TP73: variants seen among roughly 807,000 people sequenced by gnomAD.
The protein encoded by TP73 is tumor protein p73, also known as p53-like transcription factor.
A neutral mutation model predicts 62.5 loss-of-function variants in TP73; 25 were observed. The observed-to-expected ratio is 0.40, with a 90% CI of 0.29 to 0.56. TP73 has a LOEUF of 0.56. Ranked by LOEUF, TP73 falls within the 20% of genes least tolerant of loss-of-function variation. The probability of loss-of-function intolerance (pLI) is 0.46; values close to 1 mark genes in which losing one functional copy is unlikely to be tolerated. For missense variants in TP73, 754 were observed against 913.3 expected (o/e 0.83, Z 2.25); for synonymous variants, 423 against 377.5 (o/e 1.12, Z -1.40).
chr1:3,682,153 C>A (rs1008333109), intron 1 of TP73, among the ~76,000 whole-genome samples, 180 bp from the exon 2 acceptor site: 1 of 152,238 alleles, frequency 6.6e-6, no homozygotes, highest in Non-Finnish European at 1.5e-5. Flanking sequence ...CGGTTTCCAG[C>A]CGCGGGGAAC....
At chr1:3,688,405 T>TC (rs1351772886) in intron 3 of TP73, among the ~76,000 whole-genome samples, 1 of 152,000 alleles carries the variant, frequency 6.6e-6, no homozygotes, top group Non-Finnish European at 1.5e-5. Flanking sequence ...GGAAACGAAG[T>TC]CCCCCTGTCT....
At position 3,701,570 on chromosome 1, in the gene TP73, T is replaced by C. The variant is rs1218277166; in HGVS notation, c.187-5979T>C. 6.6e-6 allele frequency among the ~76,000 whole-genome samples: 1 copy of C among 152,156 alleles called. No homozygotes were observed. Among genetic ancestry groups the C allele is most frequent in the Non-Finnish European group, 1.5e-5 (1 of 68,022 alleles). On this transcript the variant is annotated intron_variant, in intron 3 of 13. Transcript: ENST00000378295. The surrounding 1 kb of genome is among the most constrained non-coding windows in gnomAD (Gnocchi z 4.7). ...CCCAGGCTGGAGTGCTGTGGCGTGA[T>C]CTCAGCTCACTGCAACCTCTGCCTC...
Position 3,699,748 on chromosome 1 carries a change from G to T in TP73, c.187-7801G>T, listed in dbSNP as rs1638995959. ...AGCAGGGATGCTCGGGCGGGGGCAG[G>T]AGCTGGAGAGGTGACAGGAGCGAGG... On this transcript the variant is annotated intron_variant, in intron 3 of 13. Transcript: ENST00000378295. The surrounding 1 kb of genome is among the most constrained non-coding windows in gnomAD (Gnocchi z 4.1). 6.6e-6 allele frequency among the ~76,000 whole-genome samples: 1 copy of T among 152,216 alleles called. No homozygotes were observed. Among genetic ancestry groups the T allele is most frequent in the Non-Finnish European group, 1.5e-5 (1 of 68,024 alleles).
At chr1:3,689,978 C>T (rs546756817) in intron 3 of TP73, among the ~76,000 whole-genome samples, 23 of 152,198 alleles carry the variant, frequency 1.5e-4, no homozygotes, top group Non-Finnish European at 2.2e-4. Flanking sequence ...CTCAAAGGCC[C>T]CACTAGACGG....
chr1:3,687,445 TG>T (rs1243309397), intron 3 of TP73, among the ~76,000 whole-genome samples: 1 of 152,166 alleles, frequency 6.6e-6, no homozygotes, highest in Non-Finnish European at 1.5e-5. Context: ...GGTGTGATGG[TG>T]GGGCGGGGGT....
chr1:3,684,350 T>G (rs941646175), intron 3 of TP73, among the ~76,000 whole-genome samples: 2 of 152,146 alleles, frequency 1.3e-5, no homozygotes, highest in Non-Finnish European at 2.9e-5. Context: ...TCACTTATGC[T>G]CAGCCCGAAA....
rs1301015015 is a variant in TP73, at chr1:3,681,897, C to T, written c.-33-436C>T. 2.7e-5 allele frequency among the ~76,000 whole-genome samples: 3 copies of T among 109,458 alleles called. No individual in the cohort carries two copies. In the East Asian group the frequency reaches 7.1e-4, roughly 26 times the overall value. The allele number at this position is 109,458 out of a possible 152,430, so 71.8% of individuals were successfully genotyped here. On this transcript the variant is annotated intron_variant, in intron 1 of 13. Transcript: ENST00000378295. ...CACACACTTGTTCCGGCCCAAGCAT[C>T]CCCCAGGCCAAACCTAGACACAGTG...
chr1:3,717,035 C>T (rs774310321), intron 4 of TP73, among the ~76,000 whole-genome samples: 5 of 152,202 alleles, frequency 3.3e-5, no homozygotes, highest in Non-Finnish European at 5.9e-5. Context: ...CACTGCAGGC[C>T]CCATCTTCCA....
chr1:3,723,836 C>T (rs1206427673), intron 6 of TP73, among the ~76,000 whole-genome samples: 1 of 152,236 alleles, frequency 6.6e-6, no homozygotes, highest in Admixed American at 6.5e-5. Flanking sequence ...GGTCCCCGCC[C>T]ATTTAGACCC....
At chr1:3,730,864 G>C in intron 11 of TP73, 63 bp from the exon 12 acceptor site, 1 of 1,518,666 alleles carries the variant, frequency 6.6e-7, no homozygotes, top group Non-Finnish European at 8.9e-7. Context: ...TGGAGCCTGG[G>C]TGGAGGCTGC....
chr1:3,723,214 C>A (rs1641241313), intron 5 of TP73, 140 bp from the exon 6 acceptor site: 2 of 668,860 alleles, frequency 3.0e-6, no homozygotes, highest in Admixed American at 4.6e-5. Flanking sequence ...TTGAACCTGG[C>A]ACGGGGCTGG....
chr1:3,690,941 C>T, intron 3 of TP73: 1 of 1,579,426 alleles, frequency 6.3e-7, no homozygotes, highest in African/African-American at 1.3e-5. Context: ...GGCACCTCGC[C>T]ACGGTAGGTG....
intron 4 of TP73, among the ~76,000 whole-genome samples, chr1:3,711,475 C>G (rs1044911537): frequency 3.3e-5 from 5 of 152,240 alleles, no homozygotes; most frequent in African/African-American, 1.2e-4. Context: ...CAGAACAGCC[C>G]GACGCGATGG....
At chr1:3,695,742 C>T (rs936374706) in intron 3 of TP73, among the ~76,000 whole-genome samples, 31 of 152,340 alleles carry the variant, frequency 2.0e-4, no homozygotes, top group African/African-American at 7.2e-4. Flanking sequence ...AACCAAGGGA[C>T]GCAGCTGGCA....
intron 10 of TP73, chr1:3,729,725 G>C: frequency 2.6e-6 from 2 of 768,652 alleles, no homozygotes; most frequent in Non-Finnish European, 4.4e-6. Context: ...GGGGTGGCCA[G>C]AGTGACCATG....
chr1:3,713,135 G>C (rs747406526), intron 4 of TP73, among the ~76,000 whole-genome samples: 52 of 152,352 alleles, frequency 3.4e-4, no homozygotes, highest in Middle Eastern at 3.4e-3. Flanking sequence ...ACTGCTGTCT[G>C]CCAGTGAATC....
chr1:3,687,166 A>AG (rs983125242), intron 3 of TP73, among the ~76,000 whole-genome samples: 2 of 152,066 alleles, frequency 1.3e-5, no homozygotes, highest in African/African-American at 4.8e-5. Context: ...ACTCTAAAAT[A>AG]GGGCCCCGTT....
Position 3,699,266 on chromosome 1 carries a change from G to A in TP73, c.187-8283G>A, listed in dbSNP as rs955033877. Among the ~76,000 whole-genome samples the A allele has an allele frequency of 2.0e-5, 3 of 152,156 alleles. No individual in the cohort carries two copies. The highest frequency in any genetic ancestry group is 2.1e-4 in the South Asian group (1 of 4,826). ...CTGGTGGGATGGGCTCTCTTCCTCC[G>A]AAGCCCAGGCTGCTTGTCAGTCACT... On this transcript the variant is annotated intron_variant, in intron 3 of 13. Transcript: ENST00000378295. The surrounding 1 kb of genome is among the most constrained non-coding windows in gnomAD (Gnocchi z 4.1).
chr1:3,696,082 C>T lies in TP73; in HGVS notation c.187-11467C>T, dbSNP rs547867832. Among the ~76,000 whole-genome samples the T allele has an allele frequency of 3.3e-5, 5 of 152,266 alleles. No homozygotes were observed. Among genetic ancestry groups the T allele is most frequent in the South Asian group, 2.1e-4 (1 of 4,824 alleles). Reference sequence around the variant, plus strand: ...GAGCCGCATGCAGGGAGGAGGACGACGAGCGAGCAGTTCCCAAAGCCCCAT... The same window carrying T: ...GAGCCGCATGCAGGGAGGAGGACGATGAGCGAGCAGTTCCCAAAGCCCCAT... On this transcript the variant is annotated intron_variant, in intron 3 of 13. Coordinates refer to ENST00000378295, the MANE Select transcript of TP73 (RefSeq NM_005427.4). The surrounding 1 kb of genome is among the most constrained non-coding windows in gnomAD (Gnocchi z 4.1).
Sources: gnomAD v4.1 joint callset for allele counts (sites outside exome capture counted in the v4.1 genomes callset) on GRCh38, gnomAD v4.1.1 for gene constraint, Gnocchi (gnomAD v3.1) non-coding constraint, MANE v1.5 for transcripts, NCBI Gene and HGNC (gene_info 2026-07-23, HGNC 2026-07-21) for gene names.